Variants in ATP8A2 observed in about 807,000 individuals in gnomAD.
ATP8A2 encodes the protein ATPase phospholipid transporting 8A2.
In ATP8A2, 100 loss-of-function variants were observed where a neutral mutation model predicts 165.6. That is an observed-to-expected ratio of 0.60 (90% confidence interval 0.51 to 0.71). ATP8A2 has a LOEUF of 0.71. Among genes scored for constraint, ATP8A2 ranks in the 30% least tolerant of loss-of-function variants. The pLI is 0.00. For synonymous variants in ATP8A2, 543 were observed against 548.8 expected (o/e 0.99, Z 0.15); for missense variants, 1,227 against 1,479.5 (o/e 0.83, Z 2.80).
intron 35 of ATP8A2, among the ~76,000 whole-genome samples, chr13:25,978,872 G>A (rs1361177305): frequency 6.6e-6 from 1 of 152,112 alleles, no homozygotes; most frequent in African/African-American, 2.4e-5. Context: ...CCCGGGAGGC[G>A]GAGCTTGGAG....
At chr13:25,463,356 T>C (rs2035555597) in intron 1 of ATP8A2, among the ~76,000 whole-genome samples, 1 of 152,010 alleles carries the variant, frequency 6.6e-6, no homozygotes, top group Non-Finnish European at 1.5e-5. Flanking sequence ...AGTTCTTAAC[T>C]CCCTGACCTA....
rs767318566 is a variant in ATP8A2, at chr13:25,968,654, G to A, written c.3352G>A (p.Val1118Met). The A allele has an allele frequency of 1.9e-6, 3 of 1,613,658 alleles. No individual in the cohort carries two copies. Among genetic ancestry groups the A allele is most frequent in the Non-Finnish European group, 2.5e-6 (3 of 1,179,908 alleles). Residue 1118 changes from valine to methionine, a missense_variant, in exon 35 of 37, where the codon GTG becomes ATG. Coordinates refer to ENST00000381655, the MANE Select transcript of ATP8A2 (RefSeq NM_016529.6). Reference sequence around the variant, plus strand: ...CAAGTCTCGAGTCCTGGGAAAAGCGGTGCTGCGGGATAGCAATGGAAAGAG... The same window carrying A: ...CAAGTCTCGAGTCCTGGGAAAAGCGATGCTGCGGGATAGCAATGGAAAGAG... ...ETKSRVLGKA[V>M]LRDSNGKRLN...
At chr13:26,003,002 C>A (rs1956666660) in intron 35 of ATP8A2, among the ~76,000 whole-genome samples, 1 of 151,888 alleles carries the variant, frequency 6.6e-6, no homozygotes, top group Non-Finnish European at 1.5e-5. Context: ...GTGCAGATAT[C>A]CCTTCAGCAT....
At chr13:25,468,856 C>G in intron 1 of ATP8A2, 121 bp from the exon 2 acceptor site, 1 of 1,466,068 alleles carries the variant, frequency 6.8e-7, no homozygotes, top group South Asian at 1.4e-5. Flanking sequence ...TAGGCGGCGT[C>G]CGCCTCACCC....
At chr13:25,449,355 T>C (rs922268010) in intron 1 of ATP8A2, among the ~76,000 whole-genome samples, 1 of 152,246 alleles carries the variant, frequency 6.6e-6, no homozygotes, top group Non-Finnish European at 1.5e-5. Context: ...CCCTACAGTT[T>C]AGAAACGTGT....
chr13:25,913,287 T>C (rs1167255789), intron 33 of ATP8A2, among the ~76,000 whole-genome samples: 1 of 152,128 alleles, frequency 6.6e-6, no homozygotes, highest in Non-Finnish European at 1.5e-5. Context: ...AGGGAAAATA[T>C]CCAAACACCT....
chr13:25,515,550 G>A (rs2037440779), intron 2 of ATP8A2, among the ~76,000 whole-genome samples: 1 of 152,220 alleles, frequency 6.6e-6, no homozygotes, highest in Admixed American at 6.5e-5. Context: ...CTTGTCTGGC[G>A]AAAGCAGAAA....
In ATP8A2 at chr13:25,842,514, A is replaced by G. The variant is rs142424048; in HGVS notation, c.2956+2890A>G. 4.9e-3 allele frequency among the ~76,000 whole-genome samples: 750 copies of G among 152,264 alleles called. 18 individuals carry two copies. Among genetic ancestry groups the G allele is most frequent in the Admixed American group, 0.037 (572 of 15,286 alleles). On this transcript the variant is annotated intron_variant, in intron 30 of 36. Coordinates refer to ENST00000381655, the MANE Select transcript of ATP8A2 (RefSeq NM_016529.6). ...TGGTAAAACCCCGTCTCTACTAAAA[A>G]TACTAAAATTAGCTGGGTGTGGTGG...
At chr13:25,707,444 T>C (rs1388827261) in intron 25 of ATP8A2, among the ~76,000 whole-genome samples, 1 of 152,196 alleles carries the variant, frequency 6.6e-6, no homozygotes, top group Non-Finnish European at 1.5e-5. Context: ...AGGTGAGAAA[T>C]TTTTTAAAAA....
At chr13:25,944,217 G>T (rs942912437) in intron 33 of ATP8A2, among the ~76,000 whole-genome samples, 1 of 152,164 alleles carries the variant, frequency 6.6e-6, no homozygotes, top group Non-Finnish European at 1.5e-5. Flanking sequence ...AGGCATATAG[G>T]CCTGTAAGAG....
intron 1 of ATP8A2, among the ~76,000 whole-genome samples, chr13:25,431,474 A>T (rs1593298046): frequency 6.6e-6 from 1 of 151,434 alleles, no homozygotes; most frequent in Admixed American, 6.6e-5. Flanking sequence ...TAATTGATGA[A>T]TTCTAATAGT....
chr13:25,899,719 G>A (rs1463428155), intron 33 of ATP8A2, among the ~76,000 whole-genome samples: 1 of 152,178 alleles, frequency 6.6e-6, no homozygotes, highest in Non-Finnish European at 1.5e-5. Context: ...GCAGGAAGAA[G>A]AGCAGAGGGG....
chr13:25,803,768 G>T (rs189301829), intron 27 of ATP8A2, among the ~76,000 whole-genome samples: 1 of 152,170 alleles, frequency 6.6e-6, no homozygotes, highest in South Asian at 2.1e-4. Flanking sequence ...TTGTTAATAC[G>T]TTGGAATATT....
chr13:26,010,341 G>A (rs1954870015), intron 35 of ATP8A2, among the ~76,000 whole-genome samples: 1 of 152,204 alleles, frequency 6.6e-6, no homozygotes, highest in African/African-American at 2.4e-5. Context: ...GGCCAGGGTG[G>A]TTCAGGAGGC....
At chr13:25,835,095 A>G (rs951257666) in intron 28 of ATP8A2, among the ~76,000 whole-genome samples, 2 of 150,190 alleles carry the variant, frequency 1.3e-5, no homozygotes, top group Non-Finnish European at 1.5e-5. Context: ...GAAGATGGGT[A>G]GAAGGAGAAG....
At chr13:25,511,482 G>T (rs777714347) in intron 2 of ATP8A2, among the ~76,000 whole-genome samples, 9 of 152,092 alleles carry the variant, frequency 5.9e-5, no homozygotes, top group Admixed American at 2.6e-4. Flanking sequence ...CAGGGAGTGG[G>T]GTGGGGGGTT....
intron 25 of ATP8A2, among the ~76,000 whole-genome samples, chr13:25,758,562 T>C (rs1284039054): frequency 3.3e-5 from 5 of 152,230 alleles, no homozygotes; most frequent in East Asian, 3.8e-4. Context: ...TAATTAGTTA[T>C]AAAAATGTGT....
At chr13:25,450,762 A>G (rs1167229258) in intron 1 of ATP8A2, among the ~76,000 whole-genome samples, 1 of 151,896 alleles carries the variant, frequency 6.6e-6, no homozygotes, top group Non-Finnish European at 1.5e-5. Context: ...CAATCTCCTG[A>G]CCTCGTAATC....
chr13:25,935,309 A>G (rs1954853714), intron 33 of ATP8A2, among the ~76,000 whole-genome samples: 1 of 152,190 alleles, frequency 6.6e-6, no homozygotes, highest in Non-Finnish European at 1.5e-5. Flanking sequence ...GCAAGCAAAT[A>G]AACTCTCCAC....
Sources: allele counts gnomAD v4.1 joint callset (sites outside exome capture counted in the v4.1 genomes callset), GRCh38; gene constraint gnomAD v4.1.1; transcripts MANE v1.5; gene names NCBI Gene and HGNC (gene_info 2026-07-23, HGNC 2026-07-21).